Variants in DNAJB14 observed in about 807,000 individuals in gnomAD.
DNAJB14 encodes the protein dnaJ homolog subfamily B member 14.
A neutral mutation model predicts 48.4 loss-of-function variants in DNAJB14; 22 were observed. The ratio of observed to expected loss-of-function variants is 0.45; its 90% CI spans 0.32 to 0.65. DNAJB14 has a LOEUF of 0.65. DNAJB14 is among the 30% of genes least tolerant of loss of function. The pLI is 0.03. For synonymous variants in DNAJB14, 142 were observed against 158.7 expected (o/e 0.89, Z 0.79); for missense variants, 319 against 458.8 (o/e 0.70, Z 2.78).
intron 3 of DNAJB14, among the ~76,000 whole-genome samples, chr4:99,910,715 G>T (rs545932499): frequency 5.7e-4 from 87 of 151,930 alleles, no homozygotes; most frequent in Admixed American, 9.2e-4. Context: ...ATATAATCAA[G>T]ATTTTTTTGC....
chr4:99,930,600 T>C lies in DNAJB14; in HGVS notation c.155A>G (p.Lys52Arg). Residue 52 changes from lysine (K) to arginine (R), a missense_variant, in exon 2 of 8, where the codon AAA becomes AGA. Around this residue, in one of 3 missense-constraint regions of DNAJB14, gnomAD observed 116 missense variants for 134.6 expected, o/e 0.86. Coordinates refer to ENST00000442697, the MANE Select transcript of DNAJB14 (RefSeq NM_001031723.4). ...GCTATTTCCAGCCGTGCTTCCATTT[T>C]TCATAATTATTTCCAATAGTGCTGT... ...SARALLEIIM[K>R]NGSTAGNSPH... is the part of the protein sequence containing the mutation. 1 of 1,611,146 alleles carries C rather than the reference T, an allele frequency of 6.2e-7. No individual in the cohort carries two copies. The highest frequency in any genetic ancestry group is 8.5e-7 in the Non-Finnish European group (1 of 1,178,560).
rs533741038 is a variant in DNAJB14 at position 99,899,882 on chromosome 4, A to C, written c.*1146T>G. 21 of 152,326 alleles carry C rather than the reference A, an allele frequency of 1.4e-4. No homozygotes were observed. The highest frequency in any genetic ancestry group is 5.1e-4 in the African/African-American group (21 of 41,518). The allele number at this position is 152,326 out of a possible 1,614,324, so 9.4% of individuals were successfully genotyped here. On this transcript the variant is annotated 3_prime_UTR_variant, in exon 8 of 8. Transcript: ENST00000442697. ...GGATTAATTCAATTACTCAATGGTA[A>C]ATAGATTTTAGCTCAGAATTTTTAA...
chr4:99,945,770 G>A (rs959546710), intron 1 of DNAJB14, among the ~76,000 whole-genome samples: 4 of 152,156 alleles, frequency 2.6e-5, no homozygotes, highest in Admixed American at 1.3e-4. Context: ...TAAATAAGCT[G>A]ACTTCAACTA....
intron 1 of DNAJB14, among the ~76,000 whole-genome samples, chr4:99,935,395 T>C (rs1726636478): frequency 6.6e-6 from 1 of 152,176 alleles, no homozygotes. Context: ...AAGCCACAGA[T>C]GAACTGTTTT....
At chr4:99,905,986 C>T in intron 5 of DNAJB14, 1 of 1,291,474 alleles carries the variant, frequency 7.7e-7, no homozygotes, top group Non-Finnish European at 9.9e-7. Flanking sequence ...TCCCTCCCCC[C>T]CACACACAGA....
Position 99,905,777 on chromosome 4 carries a change from A to C in DNAJB14, c.733-71T>G, listed in dbSNP as rs1344231821. Reference sequence around the variant, plus strand: ...TTGTTAATAATACAACAGTTGTCATACATTTTGAGGCAGAAAGCGCATTTG... The same window carrying C: ...TTGTTAATAATACAACAGTTGTCATCCATTTTGAGGCAGAAAGCGCATTTG... On this transcript the variant is annotated intron_variant, in intron 5 of 7. Transcript: ENST00000442697. 3 of 1,501,584 alleles carry C rather than the reference A, an allele frequency of 2.0e-6. No individual in the cohort carries two copies. In the African/African-American group the frequency reaches 4.2e-5, roughly 21 times the overall value. The allele number at this position is 1,501,584 out of a possible 1,614,324, so 93.0% of individuals were successfully genotyped here. A position where few individuals can be genotyped will look rare whatever the true frequency, so the allele number is the denominator to read the frequency against.
chr4:99,935,613 C>A (rs778111828), intron 1 of DNAJB14, among the ~76,000 whole-genome samples: 1 of 152,242 alleles, frequency 6.6e-6, no homozygotes, highest in African/African-American at 2.4e-5. Context: ...TCTTCTAACA[C>A]TGTAGATACG....
intron 3 of DNAJB14, among the ~76,000 whole-genome samples, chr4:99,922,113 C>T (rs576154972): frequency 5.3e-5 from 8 of 152,290 alleles, no homozygotes; most frequent in Admixed American, 4.6e-4. Flanking sequence ...TTCACCAGCA[C>T]CACTTTGGCA....
At chr4:99,922,737 G>A (rs149585865) in intron 3 of DNAJB14, 1 of 201,280 alleles carries the variant, frequency 5.0e-6, no homozygotes, top group African/African-American at 2.3e-5. Flanking sequence ...ATGACAATAC[G>A]CTAGAAGCTC....
intron 3 of DNAJB14, chr4:99,922,410 CAAAT>C (rs1208003104): frequency 1.3e-5 from 2 of 151,876 alleles, no homozygotes; most frequent in Non-Finnish European, 2.9e-5. Flanking sequence ...TTAATTATTA[CAAAT>C]AAATTGTATT....
chr4:99,928,593 G>C (rs1233884103), intron 2 of DNAJB14: 1 of 451,430 alleles, frequency 2.2e-6, no homozygotes, highest in Non-Finnish European at 4.5e-6. Context: ...CCACACCTTG[G>C]ACTACTCTTC....
At chr4:99,925,421 A>G (rs948007154) in intron 2 of DNAJB14, 1 of 152,122 alleles carries the variant, frequency 6.6e-6, no homozygotes, top group African/African-American at 2.4e-5. Context: ...ATTTGGTCAC[A>G]AAGATTTCAC....
chr4:99,916,652 T>A (rs977608023), intron 3 of DNAJB14, among the ~76,000 whole-genome samples: 24 of 152,296 alleles, frequency 1.6e-4, no homozygotes, highest in African/African-American at 5.5e-4. Flanking sequence ...ATCAACAGTG[T>A]GTTCTGAGTA....
intron 1 of DNAJB14, among the ~76,000 whole-genome samples, chr4:99,931,297 T>A (rs1020254937): frequency 6.6e-6 from 1 of 152,168 alleles, no homozygotes. Flanking sequence ...AAGGATTTGC[T>A]TTTTAATAAT....
intron 2 of DNAJB14, chr4:99,923,914 G>A (rs920030817): frequency 6.0e-5 from 59 of 978,838 alleles, no homozygotes; most frequent in South Asian, 1.4e-4. Flanking sequence ...AATATAACAC[G>A]TGACTCAAAA....
At chr4:99,909,290 T>A (rs912055287) in intron 3 of DNAJB14, among the ~76,000 whole-genome samples, 1 of 152,064 alleles carries the variant, frequency 6.6e-6, no homozygotes, top group African/African-American at 2.4e-5. Context: ...TCCATTATTA[T>A]CCTCACTTTA....
At chr4:99,910,958 T>C (rs1203678703) in intron 3 of DNAJB14, among the ~76,000 whole-genome samples, 3 of 152,066 alleles carry the variant, frequency 2.0e-5, no homozygotes, top group Admixed American at 2.0e-4. Context: ...TTGACACTGA[T>C]ATAGTCAGGA....
chr4:99,923,669 A>G, intron 2 of DNAJB14: 2 of 985,288 alleles, frequency 2.0e-6, no homozygotes, highest in Admixed American at 6.1e-5. Context: ...TACACGCAAA[A>G]CAACAGCAGT....
chr4:99,902,541 G>T (rs1043027240), intron 7 of DNAJB14, among the ~76,000 whole-genome samples: 6 of 152,118 alleles, frequency 3.9e-5, no homozygotes, highest in African/African-American at 1.4e-4. Context: ...CCACTAAATA[G>T]AGGAGAAAAC....
Sources: allele counts gnomAD v4.1 joint callset (sites outside exome capture counted in the v4.1 genomes callset), GRCh38; gene constraint gnomAD v4.1.1; regional missense constraint gnomAD v4.1.1; transcripts MANE v1.5; gene names NCBI Gene and HGNC (gene_info 2026-07-23, HGNC 2026-07-21).